CYP4Z1: variants seen among roughly 807,000 people sequenced by gnomAD.
CYP4Z1 encodes cytochrome P450 4Z1.
Under a neutral mutation model 54.2 loss-of-function variants are expected in CYP4Z1, and 41 were observed. The observed-to-expected ratio is 0.76, with a 90% confidence interval of 0.59 to 0.98. The LOEUF (loss-of-function observed/expected upper bound fraction) is 0.98. Ranked by LOEUF, CYP4Z1 falls within the 50% of genes least tolerant of loss-of-function variation. CYP4Z1 has a pLI of 0.00. For synonymous variants in CYP4Z1, 163 were observed against 206.2 expected (o/e 0.79, Z 1.79); for missense variants, 513 against 599.0 (o/e 0.86, Z 1.50).
At chr1:47,074,517 G>A (rs1217606724) in intron 2 of CYP4Z1, among the ~76,000 whole-genome samples, 1 of 152,122 alleles carries the variant, frequency 6.6e-6, no homozygotes, top group East Asian at 1.9e-4. Flanking sequence ...TACATTTTTA[G>A]TTAATTTTTG....
the CYP4Z1 span, among the ~76,000 whole-genome samples, chr1:47,056,657 C>T: frequency 6.6e-6 from 1 of 152,086 alleles, no homozygotes; most frequent in Non-Finnish European, 1.5e-5. Context: ...TTGAATTGAT[C>T]CCTTTACCAT....
At position 47,117,990 on chromosome 1, in the gene CYP4Z1, C is replaced by A; in HGVS notation, c.*56C>A. On this transcript the variant is annotated 3_prime_UTR_variant, in exon 12 of 12. Coordinates refer to ENST00000334194, the MANE Select transcript of CYP4Z1 (RefSeq NM_178134.3). The stretch of plus-strand genomic sequence containing the variant: ...GACAATTTTCCTACCAAAGGAAGAA[C>A]AAAAGGATAAATATAATACAAAATA... The A allele has an allele frequency of 6.5e-7, 1 of 1,530,626 alleles. No homozygotes were observed. The highest frequency in any genetic ancestry group is 9.0e-7 in the Non-Finnish European group (1 of 1,117,182). 94.8% of individuals were successfully genotyped at this position (1,530,626 alleles called of 1,614,324 possible). A position where few individuals can be genotyped will look rare whatever the true frequency, so the allele number is the denominator to read the frequency against.
intron 6 of CYP4Z1, among the ~76,000 whole-genome samples, chr1:47,089,306 G>T (rs371004416): frequency 2.6e-5 from 4 of 151,284 alleles, no homozygotes; most frequent in Admixed American, 6.6e-5. Flanking sequence ...AAATATTGTT[G>T]TGATGGGTTT....
intron 8 of CYP4Z1, among the ~76,000 whole-genome samples, chr1:47,105,557 C>T (rs1256005756): frequency 1.3e-5 from 2 of 152,150 alleles, no homozygotes; most frequent in South Asian, 2.1e-4. Context: ...AGTTGATCCC[C>T]GCCAAACAGG....
chr1:47,084,631 G>C lies in CYP4Z1; in HGVS notation c.504G>C (p.Glu168Asp). The C allele has an allele frequency of 6.2e-7, 1 of 1,600,778 alleles. No homozygotes were observed. The highest frequency in any genetic ancestry group is 8.5e-7 in the Non-Finnish European group (1 of 1,174,546). ...ATCCCCTGCCCCAGAACAAATGGGA[G>C]GAACACATTGCCCAAAACTCACGTC... ...ESVRMMLNKWEEHIAQNSRLE... is the reference protein window; with the variant it reads ...ESVRMMLNKWDEHIAQNSRLE... Residue 168 changes from glutamate to aspartate, a missense_variant, in exon 5 of 12, where the codon GAG (glutamate) becomes GAC (aspartate). By Grantham distance (45) the Glu-to-Asp change is conservative (BLOSUM62 2). Coordinates refer to ENST00000334194, the MANE Select transcript of CYP4Z1 (RefSeq NM_178134.3).
Position 47,117,830 on chromosome 1 carries a change from C to T in CYP4Z1, c.1414C>T (p.Arg472Cys), listed in dbSNP as rs145758676. 89 of 1,613,658 alleles carry T rather than the reference C, an allele frequency of 5.5e-5. No individual in the cohort carries two copies. Among genetic ancestry groups the T allele is most frequent in the South Asian group, 1.9e-4 (17 of 91,034 alleles). ...AGTGGCAGTGGCATTAACTCTGCTC[C>T]GCTTCAAGCTGGCTCCAGACCACTC... ...CKVAVALTLL[R>C]FKLAPDHSRP... Residue 472 changes from arginine (R) to cysteine (C), a missense_variant, in exon 12 of 12, where the codon CGC (arginine) becomes TGC (cysteine). By Grantham distance (180) the Arg-to-Cys change is radical. Coordinates refer to ENST00000334194, the MANE Select transcript of CYP4Z1 (RefSeq NM_178134.3).
At chr1:47,067,885 C>T (rs1476851504) in intron 1 of CYP4Z1, among the ~76,000 whole-genome samples, 1 of 152,136 alleles carries the variant, frequency 6.6e-6, no homozygotes, top group East Asian at 1.9e-4. Context: ...ATGCAACTTT[C>T]CTGTGCTACC....
the CYP4Z1 span, among the ~76,000 whole-genome samples, chr1:47,056,145 A>C: frequency 6.6e-6 from 1 of 152,102 alleles, no homozygotes; most frequent in Admixed American, 6.6e-5. Context: ...GTTTCAAAAA[A>C]CATCTTTATT....
In CYP4Z1 at chr1:47,067,325, C is replaced by G. The variant is rs1288755279; in HGVS notation, c.-166C>G. ...TGGCCAACATCTCAGCAGTTTTCACCCTGCAGACTTAATTAGGCTTCCTCT... is the reference window on the plus strand; with the variant it reads ...TGGCCAACATCTCAGCAGTTTTCACGCTGCAGACTTAATTAGGCTTCCTCT... On this transcript the variant is annotated 5_prime_UTR_variant, in exon 1 of 12. Coordinates refer to ENST00000334194, the MANE Select transcript of CYP4Z1 (RefSeq NM_178134.3). Among the ~76,000 whole-genome samples, 1 of 152,110 alleles carries G rather than the reference C, an allele frequency of 6.6e-6. No individual in the cohort carries two copies. Among genetic ancestry groups the G allele is most frequent in the Non-Finnish European group, 1.5e-5 (1 of 68,018 alleles).
chr1:47,107,881 C>G (rs973875490), intron 9 of CYP4Z1, among the ~76,000 whole-genome samples: 4 of 152,098 alleles, frequency 2.6e-5, no homozygotes, highest in Non-Finnish European at 5.9e-5. Context: ...GCAGCTGCTG[C>G]GGGTAACTTT....
chr1:47,065,198 G>A (rs368720759), upstream of CYP4Z1, among the ~76,000 whole-genome samples: 18 of 152,092 alleles, frequency 1.2e-4, no homozygotes, highest in East Asian at 1.7e-3. Context: ...AGATATTAAC[G>A]AACATTCTAC....
In CYP4Z1 at chr1:47,094,652, A is replaced by G. The variant is rs376220100; in HGVS notation, c.859A>G (p.Ile287Val). 2.2e-5 allele frequency: 35 copies of G among 1,610,978 alleles called. No homozygotes were observed. Among genetic ancestry groups the G allele is most frequent in the Admixed American group, 5.1e-5 (3 of 59,394 alleles). ...GAAAAGGCGCTGGGATTTTCTGGAC[A>G]TACTTTTGAGTGCCAAAGTAAGTCT... ...TQKRRWDFLD[I>V]LLSAKSENTK... Residue 287 changes from isoleucine (I) to valine (V), a missense_variant, in exon 7 of 12, where the codon ATA becomes GTA. Transcript: ENST00000334194.
chr1:47,111,172 A>G (rs1190180003), intron 9 of CYP4Z1, among the ~76,000 whole-genome samples: 2 of 149,202 alleles, frequency 1.3e-5, no homozygotes, highest in African/African-American at 5.0e-5. Context: ...CTACCTATGT[A>G]TCAAGTTACA....
intron 6 of CYP4Z1, among the ~76,000 whole-genome samples, chr1:47,086,587 G>C (rs1456356657): frequency 6.9e-6 from 1 of 145,024 alleles, no homozygotes; most frequent in African/African-American, 2.5e-5. Context: ...GTAGATTCTG[G>C]ATATTAGCCC....
chr1:47,093,606 T>G (rs932994598), intron 6 of CYP4Z1, among the ~76,000 whole-genome samples: 2 of 152,168 alleles, frequency 1.3e-5, no homozygotes. Flanking sequence ...TAGAATCCCC[T>G]TACTAAGTAC....
intron 9 of CYP4Z1, among the ~76,000 whole-genome samples, chr1:47,109,880 A>G (rs1207735438): frequency 5.9e-5 from 9 of 152,068 alleles, no homozygotes; most frequent in Non-Finnish European, 1.0e-4. Flanking sequence ...GGCCAAAAAA[A>G]AAAAAAAAGA....
intron 8 of CYP4Z1, among the ~76,000 whole-genome samples, chr1:47,102,327 T>G (rs544028089): frequency 1.3e-5 from 2 of 152,224 alleles, no homozygotes; most frequent in Non-Finnish European, 2.9e-5. Flanking sequence ...TATACTTTGT[T>G]CTTTTCTTTC....
At chr1:47,111,826 T>C (rs1644793958) in intron 9 of CYP4Z1, among the ~76,000 whole-genome samples, 1 of 152,142 alleles carries the variant, frequency 6.6e-6, no homozygotes, top group Non-Finnish European at 1.5e-5. Context: ...ACAAAAATTT[T>C]TCAAAAAGTT....
intron 6 of CYP4Z1, among the ~76,000 whole-genome samples, chr1:47,085,865 C>A (rs753544831): frequency 1.1e-4 from 13 of 121,876 alleles, no homozygotes; most frequent in Non-Finnish European, 1.8e-4. Context: ...CACAACAGGC[C>A]CCAGTGTGTG....
Sources: allele counts gnomAD v4.1 joint callset (sites outside exome capture counted in the v4.1 genomes callset), GRCh38; gene constraint gnomAD v4.1.1; transcripts MANE v1.5; gene names NCBI Gene and HGNC (gene_info 2026-07-23, HGNC 2026-07-21).